Variants in POU6F2 observed in about 807,000 individuals in gnomAD.
POU6F2 encodes POU domain, class 6, transcription factor 2.
Under a neutral mutation model 71.3 loss-of-function variants are expected in POU6F2, and 31 were observed. The ratio of observed to expected loss-of-function variants is 0.43; its 90% CI spans 0.33 to 0.59. The LOEUF is 0.59. Among genes scored for constraint, POU6F2 ranks in the 20% least tolerant of loss-of-function variants. The pLI is 0.04. For missense variants in POU6F2, 783 were observed against 856.8 expected, an observed-to-expected ratio of 0.91 and a Z score of 1.07; for synonymous variants, 347 against 355.7, an observed-to-expected ratio of 0.98 and a Z score of 0.27.
At chr7:39,280,354 G>T (rs1439311990) in intron 4 of POU6F2, among the ~76,000 whole-genome samples, 1 of 152,178 alleles carries the variant, frequency 6.6e-6, no homozygotes, top group Non-Finnish European at 1.5e-5. Flanking sequence ...TTCAACCAAG[G>T]AAACACAGTC....
chr7:39,356,422 C>T (rs1250328073), intron 5 of POU6F2, among the ~76,000 whole-genome samples: 3 of 152,196 alleles, frequency 2.0e-5, no homozygotes, highest in Non-Finnish European at 4.4e-5. Flanking sequence ...CCATGAAGTG[C>T]CCACAGTGGC....
chr7:39,287,323 G>A (rs1199135433), intron 4 of POU6F2, among the ~76,000 whole-genome samples: 1 of 152,134 alleles, frequency 6.6e-6, no homozygotes, highest in African/African-American at 2.4e-5. Context: ...CGCGTGATAT[G>A]GCTTTTAGAC....
intron 4 of POU6F2, among the ~76,000 whole-genome samples, chr7:39,211,113 G>A (rs1794135218): frequency 6.6e-6 from 1 of 152,164 alleles, no homozygotes; most frequent in South Asian, 2.1e-4. Flanking sequence ...CGTCATGAGG[G>A]CTCCACCCTT....
chr7:39,114,200 TG>T (rs757109981), intron 2 of POU6F2, among the ~76,000 whole-genome samples: 5 of 152,206 alleles, frequency 3.3e-5, no homozygotes, highest in Admixed American at 6.5e-5. Flanking sequence ...CAAATTTCTT[TG>T]TCATTTTTAT....
chr7:39,186,189 T>C (rs1394832889), intron 2 of POU6F2, among the ~76,000 whole-genome samples: 1 of 152,192 alleles, frequency 6.6e-6, no homozygotes, highest in Non-Finnish European at 1.5e-5. Context: ...TGACTATGAC[T>C]AGAGCTCATA....
intron 2 of POU6F2, among the ~76,000 whole-genome samples, chr7:39,119,812 C>T (rs1197114934): frequency 6.6e-6 from 1 of 152,110 alleles, no homozygotes; most frequent in African/African-American, 2.4e-5. Flanking sequence ...TGGTTTGGTT[C>T]CTTTTGCTAT....
chr7:39,013,979 T>A (rs1320231491), intron 1 of POU6F2, among the ~76,000 whole-genome samples: 1 of 152,192 alleles, frequency 6.6e-6, no homozygotes, highest in Non-Finnish European at 1.5e-5. Flanking sequence ...TTTTTTCCCT[T>A]CAGAGGAATG....
chr7:39,266,897 C>G (rs1211130697), intron 4 of POU6F2, among the ~76,000 whole-genome samples: 1 of 152,044 alleles, frequency 6.6e-6, no homozygotes, highest in East Asian at 1.9e-4. Context: ...ACAATACTTT[C>G]CTGTTAACCA....
chr7:39,368,342 T>A (rs1786545660), intron 5 of POU6F2, among the ~76,000 whole-genome samples: 2 of 152,200 alleles, frequency 1.3e-5, no homozygotes, highest in African/African-American at 4.8e-5. Context: ...TGCCAAAGCT[T>A]AATCCAAACC....
At chr7:39,432,100 A>G (rs986783674) in intron 6 of POU6F2, among the ~76,000 whole-genome samples, 1 of 152,310 alleles carries the variant, frequency 6.6e-6, no homozygotes, top group Middle Eastern at 3.4e-3. Context: ...TATGGTCTCT[A>G]TGTCCAGATT....
chr7:39,283,781 G>A (rs568877427), intron 4 of POU6F2, among the ~76,000 whole-genome samples: 10 of 152,266 alleles, frequency 6.6e-5, no homozygotes, highest in African/African-American at 2.4e-4. Context: ...AAATGAACAT[G>A]TTAAAGAAAC....
At chr7:39,093,269 G>A (rs1250526183) in intron 2 of POU6F2, among the ~76,000 whole-genome samples, 1 of 151,986 alleles carries the variant, frequency 6.6e-6, no homozygotes, top group Admixed American at 6.6e-5. Context: ...TATAATTAGA[G>A]AAACTAAGTA....
intron 5 of POU6F2, among the ~76,000 whole-genome samples, chr7:39,352,718 A>G (rs1274085185): frequency 1.3e-5 from 2 of 152,164 alleles, no homozygotes; most frequent in Non-Finnish European, 2.9e-5. Context: ...TGCTGCCATC[A>G]TTGCAAGACA....
chr7:39,450,457 T>C (rs1356708018), intron 7 of POU6F2, among the ~76,000 whole-genome samples: 1 of 152,086 alleles, frequency 6.6e-6, no homozygotes, highest in East Asian at 1.9e-4. Flanking sequence ...TTATGGCAGC[T>C]TTCCCGGAGA....
At chr7:39,128,084 G>A (rs1323790820) in intron 2 of POU6F2, among the ~76,000 whole-genome samples, 8 of 151,832 alleles carry the variant, frequency 5.3e-5, no homozygotes, top group African/African-American at 1.7e-4. Flanking sequence ...CTCGTGATCC[G>A]CCCACCTCGG....
intron 1 of POU6F2, among the ~76,000 whole-genome samples, chr7:38,987,348 G>C (rs543396995): frequency 6.6e-6 from 1 of 152,094 alleles, no homozygotes; most frequent in Admixed American, 6.6e-5. Flanking sequence ...CTTTATGTTT[G>C]CTCCAAGCCA....
intron 5 of POU6F2, among the ~76,000 whole-genome samples, chr7:39,354,833 T>TTAA (rs1786220337): frequency 6.6e-6 from 1 of 152,236 alleles, no homozygotes; most frequent in African/African-American, 2.4e-5. Flanking sequence ...CAGCCTTTCC[T>TTAA]GAAGGAAATC....
chr7:39,266,389 A>G (rs781247028), intron 4 of POU6F2, among the ~76,000 whole-genome samples: 21 of 152,136 alleles, frequency 1.4e-4, no homozygotes, highest in South Asian at 2.1e-4. Context: ...GAATAAGCCA[A>G]TTTCCCCAGG....
At chr7:39,375,431 A>T (rs1786692528) in intron 5 of POU6F2, among the ~76,000 whole-genome samples, 1 of 152,106 alleles carries the variant, frequency 6.6e-6, no homozygotes, top group African/African-American at 2.4e-5. Context: ...TTCCACCTTC[A>T]TTCAGGTCAT....
Sources: allele counts gnomAD v4.1 joint callset (sites outside exome capture counted in the v4.1 genomes callset), GRCh38; gene constraint gnomAD v4.1.1; transcripts MANE v1.5; gene names NCBI Gene and HGNC (gene_info 2026-07-23, HGNC 2026-07-21).